Variants in MALRD1 observed in about 807,000 individuals in gnomAD.
MALRD1 encodes MAM and LDL-receptor class A domain-containing protein 1.
MALRD1 carries 247 observed loss-of-function variants against 242.1 expected under a neutral mutation model. That is an observed-to-expected ratio of 1.02 (90% CI 0.92 to 1.13). The LOEUF (loss-of-function observed/expected upper bound fraction) is 1.13. Ranked by LOEUF, MALRD1 falls within the 50% of genes most tolerant of loss-of-function variation. The pLI, the probability that MALRD1 is intolerant of heterozygous loss-of-function variation, is 0.00. For missense variants in MALRD1, 2,989 were observed against 2,533.1 expected (o/e 1.18, Z -3.86); for synonymous variants, 995 against 866.6 (o/e 1.15, Z -2.60).
At chr10:19,314,174 A>G (rs1036708917) in intron 21 of MALRD1, among the ~76,000 whole-genome samples, 5 of 151,598 alleles carry the variant, frequency 3.3e-5, no homozygotes, top group Admixed American at 1.3e-4. Flanking sequence ...AAATGTGTGC[A>G]TTGGTATGTA....
intron 38 of MALRD1, among the ~76,000 whole-genome samples, chr10:19,718,718 G>A (rs59653397): frequency 0.037 from 5,650 of 152,214 alleles, 177 homozygotes; most frequent in African/African-American, 0.076. Flanking sequence ...TACATGCATC[G>A]TCATTTAACC....
Position 19,615,941 on chromosome 10 carries a change from A to ATT in MALRD1, c.6137+28_6137+29dup, listed in dbSNP as rs10580913. ...ATGTGTCGGTAAGAAGCATTGTTTA[A>ATT]TTTTTTTTTTTAAGATTTTTTGGAG... On this transcript the variant is annotated intron_variant, in intron 36 of 39. Transcript: ENST00000454679. 11 of 1,459,098 alleles carry ATT rather than the reference A, an allele frequency of 7.5e-6. No individual in the cohort carries two copies. The highest frequency in any genetic ancestry group is 5.3e-5 in the South Asian group (4 of 75,518). The allele number at this position is 1,459,098 out of a possible 1,614,324, so 90.4% of individuals were successfully genotyped here. A position where few individuals can be genotyped will look rare whatever the true frequency, so the allele number is the denominator to read the frequency against.
intron 39 of MALRD1, 34 bp downstream of exon 39, chr10:19,730,815 C>A (rs1014029116): frequency 3.3e-6 from 5 of 1,496,878 alleles, no homozygotes; most frequent in Non-Finnish European, 4.5e-6. Flanking sequence ...TCTTTTCACA[C>A]ATATGCACAC....
chr10:19,552,986 A>T (rs1338765177), intron 32 of MALRD1, among the ~76,000 whole-genome samples: 1 of 152,162 alleles, frequency 6.6e-6, no homozygotes. Flanking sequence ...TATATAATAC[A>T]TAAACGGAAA....
chr10:19,233,525 A>G (rs1214850081), intron 18 of MALRD1, among the ~76,000 whole-genome samples: 1 of 151,982 alleles, frequency 6.6e-6, no homozygotes, highest in Non-Finnish European at 1.5e-5. Context: ...ACAAAAATCA[A>G]TTACATTCTT....
intron 4 of MALRD1, among the ~76,000 whole-genome samples, chr10:19,103,650 C>T (rs1018695090): frequency 1.4e-4 from 22 of 151,902 alleles, no homozygotes; most frequent in African/African-American, 5.1e-4. Context: ...GAGCATGGAT[C>T]CAAAAGCAGG....
At chr10:19,094,821 G>T (rs1835962765) in intron 4 of MALRD1, among the ~76,000 whole-genome samples, 1 of 152,278 alleles carries the variant, frequency 6.6e-6, no homozygotes, top group East Asian at 1.9e-4. Flanking sequence ...TAAAGCCAAT[G>T]CAAGCCTATA....
In MALRD1 at chr10:19,124,517, C is replaced by T. The variant is rs534593090; in HGVS notation, c.797-7C>T. ...ATAGTCCACCAAGATCTTTTTCTCC[C>T]GTTTAGTGTGTCAGGCCTGTGGGTT... On this transcript the variant is annotated splice_polypyrimidine_tract_variant and splice_region_variant and intron_variant, in intron 6 of 39. Transcript: ENST00000454679. 28 of 1,233,598 alleles carry T rather than the reference C, an allele frequency of 2.3e-5. No individual in the cohort carries two copies. Among genetic ancestry groups the T allele is most frequent in the African/African-American group, 1.9e-4 (12 of 64,526 alleles). The allele number at this position is 1,233,598 out of a possible 1,614,324, so 76.4% of individuals were successfully genotyped here. A position where few individuals can be genotyped will look rare whatever the true frequency, so the allele number is the denominator to read the frequency against.
At chr10:19,387,422 A>T in intron 26 of MALRD1, 106 bp from the exon 27 acceptor site, 1 of 1,347,588 alleles carries the variant, frequency 7.4e-7, no homozygotes, top group South Asian at 1.5e-5. Flanking sequence ...CCTAAGAACA[A>T]TATGTTCCTT....
intron 18 of MALRD1, among the ~76,000 whole-genome samples, chr10:19,218,276 G>C (rs916872036): frequency 6.6e-6 from 1 of 152,016 alleles, no homozygotes; most frequent in African/African-American, 2.4e-5. Flanking sequence ...ATTATGACAG[G>C]TGAATATTAC....
intron 31 of MALRD1, among the ~76,000 whole-genome samples, chr10:19,513,355 C>G (rs1449677744): frequency 6.6e-6 from 1 of 152,026 alleles, no homozygotes; most frequent in East Asian, 1.9e-4. Context: ...TTCCTGAGGC[C>G]TCACCAGAAG....
chr10:19,209,035 G>T (rs1448480634), intron 17 of MALRD1, among the ~76,000 whole-genome samples: 1 of 152,016 alleles, frequency 6.6e-6, no homozygotes, highest in Non-Finnish European at 1.5e-5. Context: ...GGAAAAAAGT[G>T]TCCAAAGCAA....
intron 36 of MALRD1, among the ~76,000 whole-genome samples, chr10:19,617,600 T>G (rs1839219188): frequency 6.6e-6 from 1 of 152,012 alleles, no homozygotes; most frequent in African/African-American, 2.4e-5. Context: ...ATGAGTCTTT[T>G]TAAAATATAC....
chr10:19,681,705 A>G (rs1842378985), intron 36 of MALRD1, among the ~76,000 whole-genome samples: 1 of 152,048 alleles, frequency 6.6e-6, no homozygotes, highest in South Asian at 2.1e-4. Context: ...CCCTTGCTAG[A>G]GAGGTGTTGT....
chr10:19,215,450 G>C (rs906165180), intron 18 of MALRD1, among the ~76,000 whole-genome samples: 75 of 152,310 alleles, frequency 4.9e-4, no homozygotes, highest in African/African-American at 1.7e-3. Context: ...GTCTGTCCCT[G>C]TGGACGTCAT....
intron 28 of MALRD1, among the ~76,000 whole-genome samples, chr10:19,420,080 A>G (rs966521142): frequency 7.9e-5 from 12 of 152,176 alleles, no homozygotes; most frequent in Admixed American, 2.0e-4. Context: ...CAGAGGGAGC[A>G]GTGGAGCGCA....
chr10:19,442,433 C>T (rs994487046), intron 28 of MALRD1, among the ~76,000 whole-genome samples: 3 of 152,116 alleles, frequency 2.0e-5, no homozygotes, highest in African/African-American at 7.2e-5. Flanking sequence ...TTTGCTCATT[C>T]AGTATGATAT....
At chr10:19,490,726 A>G (rs1477004077) in intron 29 of MALRD1, among the ~76,000 whole-genome samples, 1 of 44,052 alleles carries the variant, frequency 2.3e-5, no homozygotes, top group Non-Finnish European at 5.8e-5. Flanking sequence ...TAGTTTTAGA[A>G]AAAAACACAC....
chr10:19,526,769 T>G (rs1834119020), intron 31 of MALRD1, among the ~76,000 whole-genome samples: 1 of 152,170 alleles, frequency 6.6e-6, no homozygotes, highest in African/African-American at 2.4e-5. Context: ...AAATAGTGGA[T>G]TATCATTCCC....
Sources: gnomAD v4.1 joint callset for allele counts (sites outside exome capture counted in the v4.1 genomes callset) on GRCh38, gnomAD v4.1.1 for gene constraint, MANE v1.5 for transcripts, NCBI Gene and HGNC (gene_info 2026-07-23, HGNC 2026-07-21) for gene names.